The following PRDM5 variants were observed in gnomAD, a reference collection of about 807,000 sequenced individuals.
The protein encoded by PRDM5 is PR domain zinc finger protein 5.
A neutral mutation model predicts 81.2 loss-of-function variants in PRDM5; 56 were observed. The observed-to-expected ratio is 0.69, with a 90% CI of 0.56 to 0.86. The LOEUF (loss-of-function observed/expected upper bound fraction) is 0.86. Ranked by LOEUF, PRDM5 falls within the 40% of genes least tolerant of loss-of-function variation. The pLI, the probability that PRDM5 is intolerant of heterozygous loss-of-function variation, is 0.00. For synonymous variants in PRDM5, 267 were observed against 256.4 expected, an observed-to-expected ratio of 1.04 and a Z score of -0.39; for missense variants, 697 against 770.1, an observed-to-expected ratio of 0.91 and a Z score of 1.12.
chr4:120,816,811 T>C (rs1754578285), intron 6 of PRDM5, 21 bp downstream of exon 6: 1 of 1,602,110 alleles, frequency 6.2e-7, no homozygotes, highest in South Asian at 1.1e-5. Flanking sequence ...TAACAGCCAT[T>C]TCATAACTCA....
chr4:120,753,577 C>T (rs983591347), intron 14 of PRDM5, among the ~76,000 whole-genome samples: 6 of 151,570 alleles, frequency 4.0e-5, no homozygotes, highest in Admixed American at 1.3e-4. Context: ...ATTATTATAC[C>T]GGGAAGAATA....
chr4:120,783,925 G>T (rs912774407), intron 11 of PRDM5, among the ~76,000 whole-genome samples: 1 of 152,064 alleles, frequency 6.6e-6, no homozygotes, highest in African/African-American at 2.4e-5. Context: ...CCAAGATACT[G>T]CCTCTGTATA....
chr4:120,842,050 T>C (rs1443125565), intron 3 of PRDM5, among the ~76,000 whole-genome samples: 2 of 152,248 alleles, frequency 1.3e-5, no homozygotes, highest in East Asian at 3.8e-4. Context: ...CATTATTCTA[T>C]ATCCTAGTTT....
At position 120,816,534 on chromosome 4, in the gene PRDM5, A is replaced by T; in HGVS notation, c.784T>A (p.Phe262Ile). ...CCACAGCTGTCAGCCTTGCACACAA[A>T]CCTGGCATCCCCCCGGCAAGTCTCC... ...HQETCRGDAR[F>I]VCKADSCGKR... Residue 262 changes from phenylalanine (F) to isoleucine (I), a missense_variant, in exon 7 of 16, where the codon TTT becomes ATT. Physicochemically the swap from Phe to Ile is conservative, Grantham distance 21. Around this residue, in one of 3 missense-constraint regions of PRDM5, gnomAD observed 577 missense variants for 606.7 expected, o/e 0.95. Coordinates refer to ENST00000264808, the MANE Select transcript of PRDM5 (RefSeq NM_018699.4). 3 of 1,614,142 alleles carry T rather than the reference A, an allele frequency of 1.9e-6. No homozygotes were observed. The highest frequency in any genetic ancestry group is 1.7e-6 in the Non-Finnish European group (2 of 1,180,030).
intron 2 of PRDM5, among the ~76,000 whole-genome samples, chr4:120,867,168 T>C (rs1338235809): frequency 6.6e-6 from 1 of 151,926 alleles, no homozygotes; most frequent in Non-Finnish European, 1.5e-5. Flanking sequence ...AGCCTCCTAA[T>C]AAGAACCCAG....
chr4:120,774,888 C>CTATATATATA (rs140501417), intron 13 of PRDM5, among the ~76,000 whole-genome samples: 2,974 of 129,302 alleles, frequency 0.023, 53 homozygotes, highest in Middle Eastern at 0.045. Context: ...CTCTCTCTTT[C>CTATATATATA]TATATATATA....
intron 13 of PRDM5, among the ~76,000 whole-genome samples, chr4:120,774,900 ATATATATGTATATGTATATG>A (rs1747867783): frequency 2.8e-5 from 4 of 141,608 alleles, no homozygotes; most frequent in Middle Eastern, 3.7e-3. Flanking sequence ...ATATATATAT[ATATATATGTATATGTATATG>A]TATATATATG....
chr4:120,788,698 C>A (rs1011455946), intron 10 of PRDM5, among the ~76,000 whole-genome samples: 1 of 152,156 alleles, frequency 6.6e-6, no homozygotes, highest in Non-Finnish European at 1.5e-5. Flanking sequence ...CAGCATAATG[C>A]CTTTTAACTA....
At chr4:120,838,034 TA>T (rs1415085788) in intron 3 of PRDM5, 1 of 152,230 alleles carries the variant, frequency 6.6e-6, no homozygotes, top group African/African-American at 2.4e-5. Context: ...TTAAGTATAA[TA>T]AGACAGTATG....
chr4:120,717,926 A>AT (rs5861487), intron 14 of PRDM5, among the ~76,000 whole-genome samples: 115,749 of 152,092 alleles, frequency 0.76, 44,528 homozygotes, highest in East Asian at 0.88. Flanking sequence ...GATGCTTAAT[A>AT]GTTCTCTTTC....
chr4:120,715,386 TA>T (rs1283287088), intron 14 of PRDM5, among the ~76,000 whole-genome samples: 1 of 152,126 alleles, frequency 6.6e-6, no homozygotes, highest in Non-Finnish European at 1.5e-5. Flanking sequence ...TTTAAAGATG[TA>T]AAAAAATATG....
intron 14 of PRDM5, among the ~76,000 whole-genome samples, chr4:120,729,263 A>G (rs1049852540): frequency 6.6e-6 from 1 of 152,212 alleles, no homozygotes; most frequent in Non-Finnish European, 1.5e-5. Context: ...CAGCTTTTTT[A>G]TGGAGCAAAA....
intron 14 of PRDM5, among the ~76,000 whole-genome samples, chr4:120,721,845 G>T (rs1212207467): frequency 3.3e-5 from 5 of 152,226 alleles, no homozygotes; most frequent in African/African-American, 1.2e-4. Flanking sequence ...AACATGGGAA[G>T]GCCATCACTT....
chr4:120,908,414 G>A (rs969198534), intron 1 of PRDM5, among the ~76,000 whole-genome samples: 8 of 152,132 alleles, frequency 5.3e-5, no homozygotes, highest in Non-Finnish European at 7.4e-5. Context: ...CCTTCACATG[G>A]AGGTGATGCA....
At chr4:120,771,220 C>T (rs904819797) in intron 13 of PRDM5, among the ~76,000 whole-genome samples, 2 of 151,974 alleles carry the variant, frequency 1.3e-5, no homozygotes, top group African/African-American at 2.4e-5. Flanking sequence ...CATTATTGCC[C>T]GCAACCTCTC....
chr4:120,890,601 C>T (rs551160462), intron 2 of PRDM5, among the ~76,000 whole-genome samples: 2 of 152,286 alleles, frequency 1.3e-5, no homozygotes, highest in South Asian at 4.1e-4. Context: ...TATAAGAATT[C>T]CCTTTTTCCC....
chr4:120,916,765 T>C (rs1438441227), intron 1 of PRDM5, among the ~76,000 whole-genome samples: 2 of 152,182 alleles, frequency 1.3e-5, no homozygotes, highest in African/African-American at 4.8e-5. Context: ...ATCCTTCCAA[T>C]TCCTCAGGCT....
intron 14 of PRDM5, among the ~76,000 whole-genome samples, chr4:120,724,215 CAA>C (rs1173416703): frequency 1.3e-5 from 2 of 151,954 alleles, no homozygotes; most frequent in Non-Finnish European, 2.9e-5. Flanking sequence ...ATTTCATCAG[CAA>C]AAGTCTCCAT....
chr4:120,811,637 G>A (rs1178877162), intron 7 of PRDM5, among the ~76,000 whole-genome samples, 188 bp from the exon 8 acceptor site: 1 of 151,914 alleles, frequency 6.6e-6, no homozygotes, highest in Admixed American at 6.6e-5. Context: ...TTTTTAATTA[G>A]AGAAAAGACA....
Sources: gnomAD v4.1 joint callset for allele counts (sites outside exome capture counted in the v4.1 genomes callset) on GRCh38, gnomAD v4.1.1 for gene constraint, gnomAD v4.1.1 regional missense constraint, MANE v1.5 for transcripts, NCBI Gene and HGNC (gene_info 2026-07-23, HGNC 2026-07-21) for gene names.